H1-6: variants seen among roughly 807,000 people sequenced by gnomAD.
H1-6 encodes H1.6 linker histone, cluster member.
For missense variants in H1-6, 538 were observed against 246.5 expected, an observed-to-expected ratio of 2.18 and a Z score of -7.92; for synonymous variants, 225 against 100.1, an observed-to-expected ratio of 2.25 and a Z score of -7.45.
chr6:26,107,457 C>CCCGGAAAGCT lies in H1-6; in HGVS notation c.*3_*12dup, dbSNP rs1763268945. 6.4e-7 allele frequency: 1 copy of CCCGGAAAGCT among 1,570,482 alleles called. No individual in the cohort carries two copies. Among genetic ancestry groups the CCCGGAAAGCT allele is most frequent in the Non-Finnish European group, 8.6e-7 (1 of 1,165,104 alleles). On this transcript the variant is annotated 3_prime_UTR_variant, in exon 1 of 1. Coordinates refer to ENST00000338379, the MANE Select transcript of H1-6 (RefSeq NM_005323.4). ...CTTTGGGTTCTTTCCAAATTGGCCT[C>CCCGGAAAGCT]CCGGAAAGCTCTTTACTTCTTAGAT...
At position 26,108,036 on chromosome 6, in the gene H1-6, G is replaced by A. The variant is rs1363404739; in HGVS notation, c.58C>T (p.Leu20Phe). ...ASAGVAAMEK[L>F]PTKKRGRKPA... Reference sequence around the variant, plus strand: ...TTCCTCCCTCGCTTCTTGGTTGGAAGTTTCTCCATAGCGGCTACACCAGCA... The same window carrying A: ...TTCCTCCCTCGCTTCTTGGTTGGAAATTTCTCCATAGCGGCTACACCAGCA... The change falls in exon 1 of 1, where the codon CTT becomes TTT. Residue 20 changes from leucine (L) to phenylalanine (F), a missense_variant. Transcript: ENST00000338379. 8.1e-6 allele frequency: 13 copies of A among 1,614,084 alleles called. No individual in the cohort carries two copies. Among genetic ancestry groups the A allele is most frequent in the African/African-American group, 2.7e-5 (2 of 74,918 alleles).
At position 26,108,133 on chromosome 6, in the gene H1-6, C is replaced by T. The variant is rs764548560; in HGVS notation, c.-40G>A. ...GCAAGATGTAATAACCAGCGAAAAG[C>T]ATGAAACACCCGGGCGGCCTCGGGG... is the stretch of plus-strand genomic sequence containing the variant. On this transcript the variant is annotated 5_prime_UTR_variant, in exon 1 of 1. The change abolishes an upstream ATG in the 5' untranslated region. Coordinates refer to ENST00000338379, the MANE Select transcript of H1-6 (RefSeq NM_005323.4). 9.4e-6 allele frequency: 15 copies of T among 1,597,872 alleles called. No homozygotes were observed. The highest frequency in any genetic ancestry group is 5.1e-5 in the Admixed American group (3 of 58,822).
rs372571438 is a variant in H1-6, at chr6:26,108,027, T to A, written c.67A>T (p.Lys23Ter). 6 of 1,614,068 alleles carry A rather than the reference T, an allele frequency of 3.7e-6. No homozygotes were observed. In the African/African-American group the frequency reaches 5.3e-5, roughly 14 times the overall value. ...CCAGCCGGCTTCCTCCCTCGCTTCT[T>A]GGTTGGAAGTTTCTCCATAGCGGCT... is the stretch of plus-strand genomic sequence containing the variant. ...GVAAMEKLPT[K>*]KRGRKPAGLI... Residue 23 changes from lysine to a stop codon, truncating the protein, a stop_gained, in exon 1 of 1, where the codon AAG becomes TAG. Transcript: ENST00000338379. LOFTEE classifies it low-confidence loss of function (END_TRUNC).
Position 26,107,989 on chromosome 6 carries a change from T to C in H1-6, c.105A>G (p.Ala35=). 6.2e-7 allele frequency: 1 copy of C among 1,614,196 alleles called. No individual in the cohort carries two copies. Among genetic ancestry groups the C allele is most frequent in the South Asian group, 1.1e-5 (1 of 91,086 alleles). The change falls in exon 1 of 1, where the codon GCA becomes GCG. Residue 35 remains alanine (A), a synonymous_variant. Transcript: ENST00000338379. Reference sequence around the variant, plus strand: ...CAGAGAGGTTCGGCACTTTGCGACTTGCACTTATCAAGCCAGCCGGCTTCC... The same window carrying C: ...CAGAGAGGTTCGGCACTTTGCGACTCGCACTTATCAAGCCAGCCGGCTTCC... ...RGRKPAGLIS[A]SRKVPNLSVS...
Position 26,107,529 on chromosome 6 carries a change from T to G in H1-6, c.565A>C (p.Lys189Gln), listed in dbSNP as rs1763271866. The change falls in exon 1 of 1, where the codon AAG (lysine) becomes CAG (glutamine). Residue 189 changes from lysine (K) to glutamine (Q), a missense_variant. Transcript: ENST00000338379. The part of the protein sequence containing the change: ...QKSPVKARAS[K>Q]SKLTQHHEVN... ...TCATGATGTTGGGTCAATTTTGACT[T>G]CGAAGCCCTTGCCTTCACTGGGCTC... 2.5e-6 allele frequency: 4 copies of G among 1,612,996 alleles called. No individual in the cohort carries two copies. In the South Asian group the frequency reaches 4.4e-5, roughly 18 times the overall value.
rs1763268632 is a variant in H1-6, at chr6:26,107,448, A to C, written c.*22T>G. 6.4e-7 allele frequency: 1 copy of C among 1,561,562 alleles called. No homozygotes were observed. The highest frequency in any genetic ancestry group is 1.4e-5 in the African/African-American group (1 of 72,210). ...TAAAAGAGCCTTTGGGTTCTTTCCA[A>C]ATTGGCCTCCCGGAAAGCTCTTTAC... On this transcript the variant is annotated 3_prime_UTR_variant, in exon 1 of 1. Transcript: ENST00000338379.
chr6:26,107,959 G>C lies in H1-6; in HGVS notation c.135C>G (p.Ser45=), dbSNP rs753614940. Residue 45 remains serine, a synonymous_variant, in exon 1 of 1, where the codon TCC becomes TCG. Transcript: ENST00000338379. ...CTGAAAGGGCCTCGGTGATCAACTT[G>C]GACACAGAGAGGTTCGGCACTTTGC... ...ASRKVPNLSV[S]KLITEALSVS... The C allele has an allele frequency of 2.5e-6, 4 of 1,614,208 alleles. No individual in the cohort carries two copies. In the South Asian group the frequency reaches 4.4e-5, roughly 18 times the overall value.
Position 26,107,468 on chromosome 6 carries a change from C to T in H1-6, c.*2G>A, listed in dbSNP as rs774650055. On this transcript the variant is annotated 3_prime_UTR_variant, in exon 1 of 1. Coordinates refer to ENST00000338379, the MANE Select transcript of H1-6 (RefSeq NM_005323.4). Reference sequence around the variant, plus strand: ...TTCCAAATTGGCCTCCCGGAAAGCTCTTTACTTCTTAGATGTGGCCTTTCT... The same window carrying T: ...TTCCAAATTGGCCTCCCGGAAAGCTTTTTACTTCTTAGATGTGGCCTTTCT... 15 of 1,584,726 alleles carry T rather than the reference C, an allele frequency of 9.5e-6. No individual in the cohort carries two copies. Among genetic ancestry groups the T allele is most frequent in the Non-Finnish European group, 1.2e-5 (14 of 1,171,358 alleles).
Position 26,108,066 on chromosome 6 carries a change from C to T in H1-6, c.28G>A (p.Ala10Thr), listed in dbSNP as rs1453766495. Reference sequence around the variant, plus strand: ...TCCATAGCGGCTACACCAGCACTGGCAGAAGCTGCAGGCACGGTTTCAGAC... The same window carrying T: ...TCCATAGCGGCTACACCAGCACTGGTAGAAGCTGCAGGCACGGTTTCAGAC... MSETVPAAS[A>T]SAGVAAMEKL... Residue 10 changes from alanine (A) to threonine (T), a missense_variant, in exon 1 of 1, where the codon GCC (alanine) becomes ACC (threonine). By Grantham distance (58) the Ala-to-Thr change is moderately conservative. Transcript: ENST00000338379. The T allele has an allele frequency of 2.8e-5, 45 of 1,614,028 alleles. No individual in the cohort carries two copies. Among genetic ancestry groups the T allele is most frequent in the Non-Finnish European group, 3.6e-5 (43 of 1,180,026 alleles).
Position 26,107,626 on chromosome 6 carries a change from C to G in H1-6, c.468G>C (p.Pro156=). Residue 156 remains proline, a synonymous_variant, in exon 1 of 1, where the codon CCG becomes CCC. Coordinates refer to ENST00000338379, the MANE Select transcript of H1-6 (RefSeq NM_005323.4). ...TAACAGTTTTAGGAGTTGTCGCTCT[C>G]GGCTTCTTGGCTCTCTTATTGGTTT... ...TAKTNKRAKK[P]RATTPKTVRS... is the part of the protein sequence containing the mutation. The G allele has an allele frequency of 6.2e-7, 1 of 1,614,170 alleles. No individual in the cohort carries two copies. The highest frequency in any genetic ancestry group is 8.5e-7 in the Non-Finnish European group (1 of 1,180,036).
In H1-6 at chr6:26,107,467, TCTTTA is replaced by T. The variant is rs559224129; in HGVS notation, c.622_*2del. The T allele has an allele frequency of 2.5e-6, 4 of 1,583,000 alleles. No individual in the cohort carries two copies. Among genetic ancestry groups the T allele is most frequent in the Non-Finnish European group, 3.4e-6 (4 of 1,170,728 alleles). ...TTTCCAAATTGGCCTCCCGGAAAGC[TCTTTA>T]CTTCTTAGATGTGGCCTTTCTAACA... On this transcript the variant is annotated stop_lost and 3_prime_UTR_variant, in exon 1 of 1. Coordinates refer to ENST00000338379, the MANE Select transcript of H1-6 (RefSeq NM_005323.4).
rs766277021 is a variant in H1-6, at chr6:26,107,985, G to A, written c.109C>T (p.Arg37Cys). 34 of 1,614,072 alleles carry A rather than the reference G, an allele frequency of 2.1e-5. No homozygotes were observed. Among genetic ancestry groups the A allele is most frequent in the South Asian group, 1.1e-5 (1 of 91,084 alleles). ...GACACAGAGAGGTTCGGCACTTTGC[G>A]ACTTGCACTTATCAAGCCAGCCGGC... ...RKPAGLISAS[R>C]KVPNLSVSKL... Residue 37 changes from arginine (R) to cysteine (C), a missense_variant, in exon 1 of 1, where the codon CGC becomes TGC. Physicochemically the swap from Arg to Cys is radical, Grantham distance 180. Transcript: ENST00000338379.
At position 26,107,990 on chromosome 6, in the gene H1-6, G is replaced by T. The variant is rs373751192; in HGVS notation, c.104C>A (p.Ala35Glu). 18 of 1,614,114 alleles carry T rather than the reference G, an allele frequency of 1.1e-5. 1 individual carries two copies. In the South Asian group the frequency reaches 2.0e-4, roughly 18 times the overall value. ...RGRKPAGLIS[A>E]SRKVPNLSVS... ...AGAGAGGTTCGGCACTTTGCGACTT[G>T]CACTTATCAAGCCAGCCGGCTTCCT... The change falls in exon 1 of 1, where the codon GCA (alanine) becomes GAA (glutamate). Residue 35 changes from alanine (A) to glutamate (E), a missense_variant. Coordinates refer to ENST00000338379, the MANE Select transcript of H1-6 (RefSeq NM_005323.4).
Position 26,107,906 on chromosome 6 carries a change from A to G in H1-6, c.188T>C (p.Leu63Ser), listed in dbSNP as rs200817009. The G allele has an allele frequency of 1.3e-5, 21 of 1,614,216 alleles. No homozygotes were observed. In the East Asian group the frequency reaches 2.5e-4, roughly 19 times the overall value. Reference sequence around the variant, plus strand: ...GGCCAATGCCTTCTTGAGCGCAACCAAAGACATACCTACTCGTTCCTGTGA... The same window carrying G: ...GGCCAATGCCTTCTTGAGCGCAACCGAAGACATACCTACTCGTTCCTGTGA... ...SVSQERVGMSLVALKKALAAA... is the reference protein window; with the variant it reads ...SVSQERVGMSSVALKKALAAA... The change falls in exon 1 of 1, where the codon TTG (leucine) becomes TCG (serine). Residue 63 changes from leucine to serine, a missense_variant. By Grantham distance (145) the Leu-to-Ser change is moderately radical. Coordinates refer to ENST00000338379, the MANE Select transcript of H1-6 (RefSeq NM_005323.4).
Position 26,107,598 on chromosome 6 carries a change from T to C in H1-6, c.496A>G (p.Ser166Gly), listed in dbSNP as rs1437320468. 3.1e-6 allele frequency: 5 copies of C among 1,614,164 alleles called. No individual in the cohort carries two copies. Among genetic ancestry groups the C allele is most frequent in the East Asian group, 2.2e-5 (1 of 44,884 alleles). ...TTGGCTCCTTTAGCCTTTCTCCCGC[T>C]CCTAACAGTTTTAGGAGTTGTCGCT... ...PRATTPKTVRSGRKAKGAKGK... is the reference protein window; with the variant it reads ...PRATTPKTVRGGRKAKGAKGK... Residue 166 changes from serine to glycine, a missense_variant, in exon 1 of 1, where the codon AGC (serine) becomes GGC (glycine). By Grantham distance (56) the Ser-to-Gly change is moderately conservative. Transcript: ENST00000338379.
At position 26,108,132 on chromosome 6, in the gene H1-6, G is replaced by C. The variant is rs144696737; in HGVS notation, c.-39C>G. ...CGCAAGATGTAATAACCAGCGAAAA[G>C]CATGAAACACCCGGGCGGCCTCGGG... On this transcript the variant is annotated 5_prime_UTR_variant, in exon 1 of 1. Transcript: ENST00000338379. 3.8e-6 allele frequency: 6 copies of C among 1,599,814 alleles called. No homozygotes were observed. The highest frequency in any genetic ancestry group is 5.1e-6 in the Non-Finnish European group (6 of 1,172,826).
Position 26,107,901 on chromosome 6 carries a change from C to G in H1-6, c.193G>C (p.Ala65Pro), listed in dbSNP as rs1763299451. ...GCAGCGGCCAATGCCTTCTTGAGCG[C>G]AACCAAAGACATACCTACTCGTTCC... ...SQERVGMSLV[A>P]LKKALAAAGY... The change falls in exon 1 of 1, where the codon GCG becomes CCG. Residue 65 changes from alanine to proline, a missense_variant. By Grantham distance (27) the Ala-to-Pro change is conservative (BLOSUM62 -1). Transcript: ENST00000338379. 6.2e-7 allele frequency: 1 copy of G among 1,614,230 alleles called. No individual in the cohort carries two copies. The highest frequency in any genetic ancestry group is 8.5e-7 in the Non-Finnish European group (1 of 1,180,050).
rs768139804 is a variant in H1-6 at position 26,107,879 on chromosome 6, G to A, written c.215C>T (p.Ala72Val). 33 of 1,614,108 alleles carry A rather than the reference G, an allele frequency of 2.0e-5. No homozygotes were observed. The Admixed American group carries it at 2.5e-4, about 12-fold the overall frequency. ...SLVALKKALA[A>V]AGYDVEKNNS... The stretch of plus-strand genomic sequence containing the variant: ...ATTCTTCTCTACGTCGTAGCCAGCA[G>A]CGGCCAATGCCTTCTTGAGCGCAAC... The change falls in exon 1 of 1, where the codon GCT becomes GTT. Residue 72 changes from alanine to valine, a missense_variant. By Grantham distance (64) the Ala-to-Val change is moderately conservative (BLOSUM62 0). Coordinates refer to ENST00000338379, the MANE Select transcript of H1-6 (RefSeq NM_005323.4).
chr6:26,107,472 A>T lies in H1-6; in HGVS notation c.622T>A (p.Ter208LysextTer16). The T allele has an allele frequency of 1.3e-6, 2 of 1,585,712 alleles. No homozygotes were observed. Among genetic ancestry groups the T allele is most frequent in the Non-Finnish European group, 1.7e-6 (2 of 1,171,750 alleles). Reference sequence around the variant, plus strand: ...AAATTGGCCTCCCGGAAAGCTCTTTACTTCTTAGATGTGGCCTTTCTAACA... The same window carrying T: ...AAATTGGCCTCCCGGAAAGCTCTTTTCTTCTTAGATGTGGCCTTTCTAACA... The part of the protein sequence containing the change: ...VNVRKATSKK[*>K] Residue 208 changes from the stop codon to lysine, a stop_lost, in exon 1 of 1, where the codon TAA becomes AAA. Coordinates refer to ENST00000338379, the MANE Select transcript of H1-6 (RefSeq NM_005323.4).
Sources: allele counts gnomAD v4.1 joint callset, GRCh38; gene constraint gnomAD v4.1.1; transcripts MANE v1.5; gene names NCBI Gene and HGNC (gene_info 2026-07-23, HGNC 2026-07-21).